Variants in ERC2 observed in about 807,000 individuals in gnomAD.
ERC2 encodes the protein ERC protein 2.
A neutral mutation model predicts 114.8 loss-of-function variants in ERC2; 42 were observed. That is an observed-to-expected ratio of 0.37 (90% CI 0.29 to 0.47). The LOEUF is 0.47. Ranked by LOEUF, ERC2 falls within the 20% of genes least tolerant of loss-of-function variation. The pLI, the probability that ERC2 is intolerant of heterozygous loss-of-function variation, is 0.99. For synonymous variants in ERC2, 454 were observed against 425.5 expected (o/e 1.07, Z -0.82); for missense variants, 939 against 1,150.7 (o/e 0.82, Z 2.66).
chr3:56,212,682 C>CA (rs1420844726), intron 3 of ERC2, among the ~76,000 whole-genome samples: 1 of 151,982 alleles, frequency 6.6e-6, no homozygotes, highest in African/African-American at 2.4e-5. Flanking sequence ...TTTGCAATTG[C>CA]AAAAATATGG....
At chr3:55,844,212 T>G (rs925315777) in intron 14 of ERC2, among the ~76,000 whole-genome samples, 1 of 152,156 alleles carries the variant, frequency 6.6e-6, no homozygotes, top group African/African-American at 2.4e-5. Context: ...CCTTGGTATA[T>G]CTGCAATAGA....
rs574993596 is a variant in ERC2, at chr3:56,110,047, T to C, written c.1474-29063A>G. On this transcript the variant is annotated intron_variant, in intron 6 of 17. Coordinates refer to ENST00000288221, the MANE Select transcript of ERC2 (RefSeq NM_015576.3). ...AATATGAGATTACACTAGACAAGAA[T>C]CCACCATATAGGCAAATCACGGCGA... Among the ~76,000 whole-genome samples the C allele has an allele frequency of 1.8e-4, 27 of 152,142 alleles. No individual in the cohort carries two copies. In the South Asian group the frequency reaches 5.6e-3, roughly 32 times the overall value.
At chr3:55,710,345 C>T (rs567123684) in intron 15 of ERC2, among the ~76,000 whole-genome samples, 14 of 152,192 alleles carry the variant, frequency 9.2e-5, no homozygotes, top group South Asian at 2.1e-4. Context: ...TCTTCTCCTG[C>T]GATAACTTAC....
At chr3:56,408,906 G>A (rs2060830112) in intron 2 of ERC2, among the ~76,000 whole-genome samples, 1 of 152,240 alleles carries the variant, frequency 6.6e-6, no homozygotes, top group Admixed American at 6.5e-5. Flanking sequence ...CCTGAGGAAC[G>A]CACGAGGCTG....
intron 14 of ERC2, among the ~76,000 whole-genome samples, chr3:55,795,132 A>G (rs570615231): frequency 6.6e-6 from 1 of 152,298 alleles, no homozygotes; most frequent in South Asian, 2.1e-4. Context: ...AAAGTACATT[A>G]ACGTTCTTTC....
intron 3 of ERC2, among the ~76,000 whole-genome samples, chr3:56,217,043 G>T (rs1042768087): frequency 5.3e-5 from 8 of 152,056 alleles, no homozygotes; most frequent in Non-Finnish European, 7.4e-5. Flanking sequence ...TCATACTGAA[G>T]GGGCAAAAAC....
At chr3:56,393,712 G>T (rs999763084) in intron 2 of ERC2, among the ~76,000 whole-genome samples, 2 of 152,124 alleles carry the variant, frequency 1.3e-5, no homozygotes, top group Non-Finnish European at 2.9e-5. Context: ...CTGAATTGAA[G>T]AACTCAAAAA....
chr3:56,189,575 T>C (rs1275214688), intron 3 of ERC2, among the ~76,000 whole-genome samples: 1 of 152,220 alleles, frequency 6.6e-6, no homozygotes, highest in African/African-American at 2.4e-5. Flanking sequence ...TGTCCATACA[T>C]GTGTGGGACA....
chr3:56,169,969 T>G (rs1207830189), intron 4 of ERC2, among the ~76,000 whole-genome samples: 1 of 152,238 alleles, frequency 6.6e-6, no homozygotes, highest in African/African-American at 2.4e-5. Flanking sequence ...GCCTTTCAAC[T>G]GTCATTCTTA....
At chr3:55,845,452 C>T (rs1367960852) in intron 14 of ERC2, among the ~76,000 whole-genome samples, 3 of 139,562 alleles carry the variant, frequency 2.1e-5, no homozygotes, top group Middle Eastern at 3.6e-3. Context: ...TGCAGTGAGC[C>T]GAGATCCCGC....
In ERC2 at chr3:56,237,779, G is replaced by C. The variant is rs530786405; in HGVS notation, c.1074+58240C>G. On this transcript the variant is annotated intron_variant, in intron 3 of 17. Transcript: ENST00000288221. ...CTTTTCTTTCTTTGGAAGTCACGAC[G>C]TACATGTGAGTTTTAAGGGTTCCTT... 1.6e-3 allele frequency among the ~76,000 whole-genome samples: 246 copies of C among 152,102 alleles called. 1 individual carries two copies. The highest frequency in any genetic ancestry group is 5.6e-3 in the African/African-American group (232 of 41,474).
At chr3:56,037,083 A>C (rs575651605) in intron 7 of ERC2, among the ~76,000 whole-genome samples, 3 of 152,360 alleles carry the variant, frequency 2.0e-5, no homozygotes, top group African/African-American at 7.2e-5. Flanking sequence ...ATAAGCTTAC[A>C]AAGATGAGAA....
chr3:55,835,741 A>AG (rs1195421483), intron 14 of ERC2, among the ~76,000 whole-genome samples: 1 of 152,172 alleles, frequency 6.6e-6, no homozygotes, highest in Non-Finnish European at 1.5e-5. Context: ...TAGTGTTGGA[A>AG]GTTCTGGCCA....
intron 17 of ERC2, among the ~76,000 whole-genome samples, chr3:55,514,533 TG>T (rs2107149613): frequency 6.6e-6 from 1 of 152,364 alleles, no homozygotes; most frequent in East Asian, 1.9e-4. Context: ...TTTTATTTGC[TG>T]TAGCAGAAGA....
intron 1 of ERC2, among the ~76,000 whole-genome samples, chr3:56,443,523 T>C (rs1444995127): frequency 6.6e-6 from 1 of 152,090 alleles, no homozygotes; most frequent in Non-Finnish European, 1.5e-5. Context: ...CAAAGGCAGG[T>C]CCCCATGGCT....
At chr3:56,414,368 T>C (rs2061061585) in intron 2 of ERC2, among the ~76,000 whole-genome samples, 1 of 152,182 alleles carries the variant, frequency 6.6e-6, no homozygotes, top group South Asian at 2.1e-4. Context: ...CAAGGCCCTT[T>C]CCCATTTTCT....
chr3:56,176,765 A>T (rs1001146543), intron 3 of ERC2, among the ~76,000 whole-genome samples: 1 of 152,072 alleles, frequency 6.6e-6, no homozygotes, highest in African/African-American at 2.4e-5. Flanking sequence ...TACAATACTC[A>T]CTCTGTGGTA....
chr3:56,270,850 C>T (rs1040921232), intron 3 of ERC2, among the ~76,000 whole-genome samples: 5 of 151,964 alleles, frequency 3.3e-5, no homozygotes, highest in East Asian at 1.9e-4. Context: ...GGTGTGGTGG[C>T]GGGTGCCCGT....
chr3:56,318,531 T>C lies in ERC2; in HGVS notation c.658-22096A>G, dbSNP rs545118047. ...AAATGGAGAAAACATTTGCAAACCA[T>C]GTATCTGATAAGGGGTTAATATCAA... On this transcript the variant is annotated intron_variant, in intron 2 of 17. Coordinates refer to ENST00000288221, the MANE Select transcript of ERC2 (RefSeq NM_015576.3). Among the ~76,000 whole-genome samples, 6 of 151,698 alleles carry C rather than the reference T, an allele frequency of 4.0e-5. No individual in the cohort carries two copies. In the South Asian group the frequency reaches 1.3e-3, roughly 32 times the overall value.
Sources: gnomAD v4.1 joint callset for allele counts (sites outside exome capture counted in the v4.1 genomes callset) on GRCh38, gnomAD v4.1.1 for gene constraint, MANE v1.5 for transcripts, NCBI Gene and HGNC (gene_info 2026-07-23, HGNC 2026-07-21) for gene names.